VSIR: variants seen among roughly 807,000 people sequenced by gnomAD.
The protein encoded by VSIR is V-type immunoglobulin domain-containing suppressor of T-cell activation.
VSIR carries 10 observed loss-of-function variants against 31.0 expected under a neutral mutation model. The ratio of observed to expected loss-of-function variants is 0.32; its 90% CI spans 0.20 to 0.55. The LOEUF is 0.55. VSIR is among the 20% of genes least tolerant of loss of function. The pLI is 0.93. For synonymous variants in VSIR, 179 were observed against 180.1 expected, an observed-to-expected ratio of 0.99 and a Z score of 0.05; for missense variants, 356 against 416.2, an observed-to-expected ratio of 0.86 and a Z score of 1.26.
rs1564779513 is a variant in VSIR at position 71,759,986 on chromosome 10, T to TACACACACAC, written c.568+881_568+882insGTGTGTGTGT. Among the ~76,000 whole-genome samples the TACACACACAC allele has an allele frequency of 4.5e-4, 32 of 70,534 alleles. 5 individuals are homozygous for TACACACACAC. Among genetic ancestry groups the TACACACACAC allele is most frequent in the African/African-American group, 1.2e-3 (28 of 23,010 alleles). The allele number at this position is 70,534 out of a possible 152,430, so 46.3% of individuals were successfully genotyped here. On this transcript the variant is annotated intron_variant, in intron 3 of 6. Transcript: ENST00000394957. ...ACATATATATACACACACACATATA[T>TACACACACAC]ATACACACACACATACATATATATA...
At chr10:71,764,813 A>G (rs193183618) in intron 1 of VSIR, among the ~76,000 whole-genome samples, 3 of 152,286 alleles carry the variant, frequency 2.0e-5, no homozygotes, top group Admixed American at 2.0e-4. Flanking sequence ...TTATGCTACA[A>G]ATCTGACCCA....
At chr10:71,760,839 C>T in intron 3 of VSIR, 29 bp downstream of exon 3, 1 of 1,604,308 alleles carries the variant, frequency 6.2e-7, no homozygotes, top group Non-Finnish European at 8.5e-7. Context: ...AACAGAGAAC[C>T]CAAAAGGGGC....
At chr10:71,762,089 A>G (rs1840408175) in intron 1 of VSIR, 63 bp from the exon 2 acceptor site, 2 of 1,500,616 alleles carry the variant, frequency 1.3e-6, no homozygotes, top group East Asian at 2.4e-5. Context: ...GCAACCCCAG[A>G]GCGGGGAAGA....
chr10:71,752,570 CT>C (rs1328812649), intron 5 of VSIR, among the ~76,000 whole-genome samples: 1 of 152,230 alleles, frequency 6.6e-6, no homozygotes, highest in East Asian at 1.9e-4. Flanking sequence ...AGCCTCTGCC[CT>C]TGTGGCCTGC....
rs1314427436 is a variant in VSIR, at chr10:71,773,280, C to T, written c.82+78G>A. On this transcript the variant is annotated intron_variant, in intron 1 of 6. Transcript: ENST00000394957. ...ACAGGCTGAGAGGGCCCCCAGGACG[C>T]CCCCATCCCACAGTTCCCACTCCAG... 6.8e-6 allele frequency: 10 copies of T among 1,480,672 alleles called. No homozygotes were observed. The African/African-American group carries it at 7.1e-5, about 10-fold the overall frequency. The allele number at this position is 1,480,672 out of a possible 1,614,324, so 91.7% of individuals were successfully genotyped here.
Position 71,762,033 on chromosome 10 carries a change from A to G in VSIR, c.83-7T>C, listed in dbSNP as rs1374356455. On this transcript the variant is annotated splice_region_variant and splice_polypyrimidine_tract_variant and intron_variant, in intron 1 of 6. Coordinates refer to ENST00000394957, the MANE Select transcript of VSIR (RefSeq NM_022153.2). Reference sequence around the variant, plus strand: ...TTGAAGGCTGCCACCGGACCTGCTCAGAGAGAGGAGAGCCCTGTCACCTGA... The same window carrying G: ...TTGAAGGCTGCCACCGGACCTGCTCGGAGAGAGGAGAGCCCTGTCACCTGA... 3 of 1,584,180 alleles carry G rather than the reference A, an allele frequency of 1.9e-6. No individual in the cohort carries two copies. The East Asian group carries it at 6.7e-5, about 36-fold the overall frequency.
intron 1 of VSIR, among the ~76,000 whole-genome samples, chr10:71,769,367 C>T (rs576466635): frequency 4.6e-5 from 7 of 152,216 alleles, no homozygotes; most frequent in South Asian, 4.1e-4. Context: ...TTTCCTGTTA[C>T]GTTCTTTTAT....
intron 1 of VSIR, among the ~76,000 whole-genome samples, chr10:71,766,612 T>C (rs947497099): frequency 1.3e-5 from 2 of 152,198 alleles, no homozygotes; most frequent in Admixed American, 1.3e-4. Context: ...AGGGAAGAGC[T>C]GTCTTATGAC....
intron 1 of VSIR, among the ~76,000 whole-genome samples, chr10:71,770,985 C>G (rs1277454949): frequency 6.6e-6 from 1 of 152,204 alleles, no homozygotes; most frequent in Non-Finnish European, 1.5e-5. Context: ...CTGACCATTG[C>G]TGCGTCAGAG....
At chr10:71,752,821 A>G (rs889557273) in intron 5 of VSIR, among the ~76,000 whole-genome samples, 154 bp downstream of exon 5, 1 of 152,152 alleles carries the variant, frequency 6.6e-6, no homozygotes, top group Non-Finnish European at 1.5e-5. Flanking sequence ...AGAACAGCCA[A>G]TCTGCACAGA....
chr10:71,756,575 C>G (rs1456510527), intron 3 of VSIR, among the ~76,000 whole-genome samples: 3 of 152,154 alleles, frequency 2.0e-5, no homozygotes, highest in Non-Finnish European at 4.4e-5. Context: ...GCTAAATTGC[C>G]CTCCAAAAAG....
chr10:71,755,303 G>A (rs1174413962), intron 4 of VSIR, 56 bp downstream of exon 4: 1 of 1,476,322 alleles, frequency 6.8e-7, no homozygotes, highest in African/African-American at 1.4e-5. Context: ...CTGAACTGGG[G>A]GCTGGAGCAG....
intron 1 of VSIR, among the ~76,000 whole-genome samples, chr10:71,772,844 C>G (rs746203229): frequency 6.6e-6 from 1 of 152,188 alleles, no homozygotes; most frequent in Admixed American, 6.5e-5. Flanking sequence ...GTGGACCCAC[C>G]GTGACCAGTG....
chr10:71,753,674 C>T, intron 4 of VSIR: 1 of 438,262 alleles, frequency 2.3e-6, no homozygotes, highest in Non-Finnish European at 4.6e-6. Flanking sequence ...CAATTAGATG[C>T]AGTGACCCCA....
intron 1 of VSIR, among the ~76,000 whole-genome samples, chr10:71,771,709 C>A (rs1211167777): frequency 6.6e-6 from 1 of 152,216 alleles, no homozygotes; most frequent in Non-Finnish European, 1.5e-5. Context: ...CTTTAGTATA[C>A]CATGTTGTTT....
intron 1 of VSIR, among the ~76,000 whole-genome samples, chr10:71,765,438 G>A (rs1435539968): frequency 6.6e-6 from 1 of 152,224 alleles, no homozygotes; most frequent in Non-Finnish European, 1.5e-5. Flanking sequence ...TGGGGTTGGG[G>A]GCCCTCAAGT....
chr10:71,757,077 C>G lies in VSIR; in HGVS notation c.569-1611G>C, dbSNP rs184243801. On this transcript the variant is annotated intron_variant, in intron 3 of 6. Coordinates refer to ENST00000394957, the MANE Select transcript of VSIR (RefSeq NM_022153.2). The stretch of plus-strand genomic sequence containing the variant: ...TGACGTGGAATATTGAAAGTAAAGA[C>G]ATTCTATAACCCAGACACCTCAGTA... 6.0e-4 allele frequency among the ~76,000 whole-genome samples: 91 copies of G among 152,366 alleles called. No homozygotes were observed. The Middle Eastern group carries it at 0.031, about 51-fold the overall frequency.
In VSIR at chr10:71,759,964, T is replaced by C. The variant is rs868450486; in HGVS notation, c.568+904A>G. ...ACACACACATATATATACACACACA[T>C]ATATATACACACACACATATATATA... On this transcript the variant is annotated intron_variant, in intron 3 of 6. Transcript: ENST00000394957. Among the ~76,000 whole-genome samples, 325 of 59,288 alleles carry C rather than the reference T, an allele frequency of 5.5e-3. 2 individuals are homozygous for C. The highest frequency in any genetic ancestry group is 8.1e-3 in the Non-Finnish European group (188 of 23,144). 38.9% of individuals were successfully genotyped at this position (59,288 alleles called of 152,430 possible).
chr10:71,770,627 C>T (rs1041612953), intron 1 of VSIR, among the ~76,000 whole-genome samples: 3 of 152,294 alleles, frequency 2.0e-5, no homozygotes, highest in Middle Eastern at 6.8e-3. Flanking sequence ...ATGTGGGGCT[C>T]GCTCACTGCC....
Sources: allele counts gnomAD v4.1 joint callset (sites outside exome capture counted in the v4.1 genomes callset), GRCh38; gene constraint gnomAD v4.1.1; transcripts MANE v1.5; gene names NCBI Gene and HGNC (gene_info 2026-07-23, HGNC 2026-07-21).